POU2F1: variants seen among roughly 807,000 people sequenced by gnomAD.
The protein encoded by POU2F1 is POU domain, class 2, transcription factor 1.
A neutral mutation model predicts 84.9 loss-of-function variants in POU2F1; 16 were observed. That is an observed-to-expected ratio of 0.19 (90% CI 0.13 to 0.29). The LOEUF (loss-of-function observed/expected upper bound fraction) is 0.29, where lower values mean the gene tolerates loss of function less well. Ranked by LOEUF, POU2F1 falls within the 10% of genes least tolerant of loss-of-function variation. POU2F1 has a pLI of 1.00. For missense variants in POU2F1, 738 were observed against 942.6 expected, an observed-to-expected ratio of 0.78 and a Z score of 2.84; for synonymous variants, 368 against 368.3, an observed-to-expected ratio of 1.00 and a Z score of 0.01.
At chr1:167,242,468 A>G (rs985391389) in intron 1 of POU2F1, among the ~76,000 whole-genome samples, 1 of 152,218 alleles carries the variant, frequency 6.6e-6, no homozygotes, top group Non-Finnish European at 1.5e-5. Context: ...AATCACAGAA[A>G]GACTCTAAGA....
chr1:167,350,530 A>G (rs995808556), intron 2 of POU2F1, among the ~76,000 whole-genome samples: 1 of 151,956 alleles, frequency 6.6e-6, no homozygotes, highest in African/African-American at 2.4e-5. Context: ...TTTTCTCTTT[A>G]AAGTGTCATG....
At chr1:167,356,242 A>T (rs1447828448) in intron 2 of POU2F1, among the ~76,000 whole-genome samples, 1 of 141,062 alleles carries the variant, frequency 7.1e-6, no homozygotes, top group Non-Finnish European at 1.5e-5. Context: ...GGCTCAAGGG[A>T]TCTGCCCGCC....
At chr1:167,410,628 G>A (rs1219720512) in intron 13 of POU2F1, among the ~76,000 whole-genome samples, 1 of 151,990 alleles carries the variant, frequency 6.6e-6, no homozygotes, top group East Asian at 1.9e-4. Context: ...CAGTTCTCCT[G>A]CCTCAGCCTC....
At chr1:167,320,088 A>C (rs116456350) in intron 1 of POU2F1, among the ~76,000 whole-genome samples, 354 of 151,626 alleles carry the variant, frequency 2.3e-3, no homozygotes, top group Non-Finnish European at 4.3e-3. Context: ...AATAGGGTGC[A>C]TTCTACTCCT....
intron 9 of POU2F1, among the ~76,000 whole-genome samples, chr1:167,391,324 A>G (rs1648382136): frequency 6.6e-6 from 1 of 152,268 alleles, no homozygotes; most frequent in South Asian, 2.1e-4. Flanking sequence ...GTAAAAAAAA[A>G]CTGAAGTATG....
At position 167,293,004 on chromosome 1, in the gene POU2F1, A is replaced by G. The variant is rs61806107; in HGVS notation, c.62-39466A>G. 3.0e-3 allele frequency among the ~76,000 whole-genome samples: 451 copies of G among 152,318 alleles called. 2 individuals are homozygous for G. The highest frequency in any genetic ancestry group is 4.8e-3 in the Non-Finnish European group (327 of 68,014). ...CAAACTAGGCATGGAAGGGACTTTTACCTTAAATTAGTAAAGCCATATCTG... is the reference window on the plus strand; with the variant it reads ...CAAACTAGGCATGGAAGGGACTTTTGCCTTAAATTAGTAAAGCCATATCTG... On this transcript the variant is annotated intron_variant, in intron 1 of 15. Transcript: ENST00000367866.
Position 167,418,325 on chromosome 1 carries a change from A to G in POU2F1, c.*2515A>G, listed in dbSNP as rs1443095640. 3.3e-5 allele frequency: 5 copies of G among 152,206 alleles called. No individual in the cohort carries two copies. The highest frequency in any genetic ancestry group is 1.9e-4 in the East Asian group (1 of 5,202). The allele number at this position is 152,206 out of a possible 1,614,324, so 9.4% of individuals were successfully genotyped here. A position where few individuals can be genotyped will look rare whatever the true frequency, so the allele number is the denominator to read the frequency against. ...AGGTTGGTGTGTAAATAGAATGACA[A>G]TGTCAATTACTAATTTCTCTCCTCT... On this transcript the variant is annotated 3_prime_UTR_variant, in exon 16 of 16. Transcript: ENST00000367866.
At position 167,298,127 on chromosome 1, in the gene POU2F1, C is replaced by CAAA. The variant is rs71073662; in HGVS notation, c.62-34340_62-34338dup. Among the ~76,000 whole-genome samples, 1,487 of 149,826 alleles carry CAAA rather than the reference C, an allele frequency of 9.9e-3. 10 individuals carry two copies. The highest frequency in any genetic ancestry group is 0.014 in the Non-Finnish European group (911 of 67,116). Reference sequence around the variant, plus strand: ...GGCAACAAGAGTGAAACTCCATCTCCAAAAACAACAACAACAACAACAACA... The same window carrying CAAA: ...GGCAACAAGAGTGAAACTCCATCTCCAAAAAAAACAACAACAACAACAACAACA... On this transcript the variant is annotated intron_variant, in intron 1 of 15. Coordinates refer to ENST00000367866, the MANE Select transcript of POU2F1 (RefSeq NM_002697.4).
chr1:167,260,153 C>G (rs1321329989), intron 1 of POU2F1, among the ~76,000 whole-genome samples: 1 of 152,216 alleles, frequency 6.6e-6, no homozygotes, highest in Non-Finnish European at 1.5e-5. Context: ...GCTGGGGTTA[C>G]AGGCGTAAGC....
chr1:167,223,103 T>C (rs1380023376), intron 1 of POU2F1, among the ~76,000 whole-genome samples: 2 of 152,228 alleles, frequency 1.3e-5, no homozygotes, highest in Non-Finnish European at 2.9e-5. Context: ...TGTGCTATCA[T>C]TGTCATAGAC....
At position 167,371,901 on chromosome 1, in the gene POU2F1, A is replaced by T. The variant is rs1373040567; in HGVS notation, c.283-16A>T. The T allele has an allele frequency of 1.2e-6, 2 of 1,613,978 alleles. No homozygotes were observed. Among genetic ancestry groups the T allele is most frequent in the Admixed American group, 3.3e-5 (2 of 60,000 alleles). On this transcript the variant is annotated splice_polypyrimidine_tract_variant and intron_variant, in intron 4 of 15. Transcript: ENST00000367866. ...AACCATTTGCAATCTTTTATTTCCT[A>T]CCCACCCCACCTCAGTCTAAATCTA...
intron 2 of POU2F1, among the ~76,000 whole-genome samples, chr1:167,350,370 G>T (rs1189254679): frequency 6.6e-6 from 1 of 152,166 alleles, no homozygotes; most frequent in Non-Finnish European, 1.5e-5. Flanking sequence ...AGAAAACTCA[G>T]TTCTCTGCAA....
At chr1:167,369,722 A>G (rs1392724163) in intron 3 of POU2F1, among the ~76,000 whole-genome samples, 1 of 152,246 alleles carries the variant, frequency 6.6e-6, no homozygotes, top group Non-Finnish European at 1.5e-5. Context: ...TGGTGTATAC[A>G]TGGAACATTC....
intron 1 of POU2F1, among the ~76,000 whole-genome samples, chr1:167,278,547 C>T (rs1176613976): frequency 6.6e-6 from 1 of 152,140 alleles, no homozygotes; most frequent in Admixed American, 6.5e-5. Flanking sequence ...TCTGATTAGG[C>T]TTCAACGATG....
intron 2 of POU2F1, among the ~76,000 whole-genome samples, chr1:167,350,320 T>C (rs894305782): frequency 6.6e-6 from 1 of 152,210 alleles, no homozygotes; most frequent in African/African-American, 2.4e-5. Context: ...TTTGTTCTTT[T>C]GTTGGAAATG....
chr1:167,298,437 G>T (rs1469871946), intron 1 of POU2F1, among the ~76,000 whole-genome samples: 2 of 152,076 alleles, frequency 1.3e-5, no homozygotes, highest in East Asian at 3.9e-4. Context: ...AAGAAAACAA[G>T]TTAAATGTAA....
rs192684743 is a variant in POU2F1, at chr1:167,287,861, A to G, written c.62-44609A>G. Among the ~76,000 whole-genome samples the G allele has an allele frequency of 8.7e-4, 132 of 152,356 alleles. 1 individual carries two copies. The highest frequency in any genetic ancestry group is 3.1e-4 in the Non-Finnish European group (21 of 68,026). ...GACACATTATCGTGAAAATGCAGAA[A>G]ATCAAATATAAAGAGAATATCTTAA... is the stretch of plus-strand genomic sequence containing the variant. On this transcript the variant is annotated intron_variant, in intron 1 of 15. Coordinates refer to ENST00000367866, the MANE Select transcript of POU2F1 (RefSeq NM_002697.4).
chr1:167,393,984 C>CATTTTATTTTATTTTATTTT (rs72197092), intron 9 of POU2F1, among the ~76,000 whole-genome samples: 1 of 148,314 alleles, frequency 6.7e-6, no homozygotes, highest in Non-Finnish European at 1.5e-5. Context: ...AATGAAGTAA[C>CATTTTATTTTATTTTATTTT]ATTTTATTTT....
At chr1:167,414,609 T>G in intron 15 of POU2F1, 3 of 985,372 alleles carry the variant, frequency 3.0e-6, no homozygotes, top group Non-Finnish European at 3.6e-6. Flanking sequence ...TTAAATAAAA[T>G]GTTGATGATG....
Sources: gnomAD v4.1 joint callset for allele counts (sites outside exome capture counted in the v4.1 genomes callset) on GRCh38, gnomAD v4.1.1 for gene constraint, MANE v1.5 for transcripts, NCBI Gene and HGNC (gene_info 2026-07-23, HGNC 2026-07-21) for gene names.